Variants in ABCC5 observed in about 807,000 individuals in gnomAD.
ABCC5 encodes ATP binding cassette subfamily C member 5.
A neutral mutation model predicts 160.9 loss-of-function variants in ABCC5; 61 were observed. The observed-to-expected ratio is 0.38, with a 90% CI of 0.31 to 0.47. The LOEUF (loss-of-function observed/expected upper bound fraction) is 0.47. ABCC5 is among the 20% of genes least tolerant of loss of function. ABCC5 has a pLI of 0.99. For synonymous variants in ABCC5, 666 were observed against 700.6 expected (o/e 0.95, Z 0.78); for missense variants, 1,308 against 1,813.3 (o/e 0.72, Z 5.06).
chr3:183,947,274 G>T (rs1016752), intron 23 of ABCC5, 50 bp downstream of exon 23: 1 of 1,509,920 alleles, frequency 6.6e-7, no homozygotes, highest in Non-Finnish European at 8.9e-7. Context: ...TACGTCAGCA[G>T]AGGAAGGGCT....
intron 14 of ABCC5, among the ~76,000 whole-genome samples, chr3:183,964,180 C>T (rs11924260): frequency 0.015 from 2,313 of 152,296 alleles, 39 homozygotes; most frequent in African/African-American, 0.053. Context: ...ACCTCTTTCC[C>T]GCTAGTACCC....
chr3:184,017,878 C>G lies in ABCC5; in HGVS notation c.-104G>C, dbSNP rs918458976. On this transcript the variant is annotated 5_prime_UTR_variant, in exon 1 of 30. Coordinates refer to ENST00000334444, the MANE Select transcript of ABCC5 (RefSeq NM_005688.4). This position sits in a 1 kb window ranked among gnomAD's most constrained non-coding sequence, Gnocchi z 4.5. ...CGCGCCAGCCGCTCAACCACGCTCC[C>G]GAGCATGAGCCCTGCAGCAAAACAA... 2.0e-5 allele frequency: 3 copies of G among 152,560 alleles called. No individual in the cohort carries two copies. The highest frequency in any genetic ancestry group is 4.4e-5 in the Non-Finnish European group (3 of 68,296). The allele number at this position is 152,560 out of a possible 1,614,324, so 9.5% of individuals were successfully genotyped here. A position where few individuals can be genotyped will look rare whatever the true frequency, so the allele number is the denominator to read the frequency against.
At chr3:183,952,035 C>T in intron 18 of ABCC5, 32 bp from the exon 19 acceptor site, 1 of 1,589,934 alleles carries the variant, frequency 6.3e-7, no homozygotes, top group East Asian at 2.3e-5. Context: ...TGAGGCCAGA[C>T]TCCTAACGAC....
intron 8 of ABCC5, among the ~76,000 whole-genome samples, chr3:183,979,693 A>G (rs1341183172): frequency 4.0e-5 from 6 of 151,438 alleles, no homozygotes; most frequent in Non-Finnish European, 8.8e-5. Flanking sequence ...TGATCCTCCC[A>G]TCTTAGCCTC....
At chr3:183,944,203 G>A (rs1455426057) in intron 24 of ABCC5, among the ~76,000 whole-genome samples, 2 of 151,976 alleles carry the variant, frequency 1.3e-5, no homozygotes, top group African/African-American at 4.8e-5. Context: ...GAGACCAGCC[G>A]GGACAACATG....
At chr3:183,924,480 T>C (rs1712329745) in intron 29 of ABCC5, among the ~76,000 whole-genome samples, 1 of 152,200 alleles carries the variant, frequency 6.6e-6, no homozygotes, top group African/African-American at 2.4e-5. Context: ...AAACATTCAG[T>C]AGAAGTAGCT....
chr3:183,985,321 G>C, intron 5 of ABCC5: 1 of 1,614,018 alleles, frequency 6.2e-7, no homozygotes, highest in Non-Finnish European at 8.5e-7. Context: ...CTTGGCGAGA[G>C]ATTCTGCCCA....
At chr3:183,959,246 GA>G (rs1011470723) in intron 17 of ABCC5, among the ~76,000 whole-genome samples, 1 of 152,162 alleles carries the variant, frequency 6.6e-6, no homozygotes, top group Non-Finnish European at 1.5e-5. Context: ...AGCCAAGTAG[GA>G]AAAACCCCTC....
At chr3:183,932,739 G>A (rs1713297680) in intron 26 of ABCC5, among the ~76,000 whole-genome samples, 1 of 152,144 alleles carries the variant, frequency 6.6e-6, no homozygotes, top group South Asian at 2.1e-4. Context: ...AGAGGTGGGA[G>A]AATCTCTTGA....
intron 17 of ABCC5, 33 bp from the exon 18 acceptor site, chr3:183,953,303 A>G: frequency 2.6e-6 from 4 of 1,565,872 alleles, no homozygotes; most frequent in Non-Finnish European, 3.5e-6. Context: ...TGGACTCAGA[A>G]GGGAAGAACT....
chr3:184,003,221 T>G (rs1156925416), intron 2 of ABCC5, among the ~76,000 whole-genome samples: 1 of 152,072 alleles, frequency 6.6e-6, no homozygotes, highest in Non-Finnish European at 1.5e-5. Context: ...GAAATTAAAT[T>G]TAAAAGTGAA....
chr3:183,962,537 T>TC (rs1167214817), intron 15 of ABCC5, among the ~76,000 whole-genome samples: 1 of 151,346 alleles, frequency 6.6e-6, no homozygotes, highest in Non-Finnish European at 1.5e-5. Context: ...TTTTTCTTTT[T>TC]TTTTTTTTTT....
At chr3:184,012,190 T>C (rs1023618875) in intron 2 of ABCC5, among the ~76,000 whole-genome samples, 1 of 152,162 alleles carries the variant, frequency 6.6e-6, no homozygotes, top group African/African-American at 2.4e-5. Flanking sequence ...AGGATCTCTA[T>C]ATTATTTTTT....
chr3:183,961,735 C>T, intron 15 of ABCC5, 81 bp from the exon 16 acceptor site: 1 of 1,534,484 alleles, frequency 6.5e-7, no homozygotes, highest in Non-Finnish European at 8.8e-7. Flanking sequence ...CAGTAGTTCT[C>T]TACAGGAGAC....
chr3:183,950,761 T>C (rs1299305714), intron 20 of ABCC5, among the ~76,000 whole-genome samples: 1 of 152,232 alleles, frequency 6.6e-6, no homozygotes, highest in African/African-American at 2.4e-5. Context: ...TCTGATTTCT[T>C]GTTACCTCTG....
rs904974328 is a variant in ABCC5, at chr3:183,988,381, C to T, written c.443+191G>A. ...GGGGCTGAGAGAGAGAGAGAAAGCC[C>T]GTGGTTAAAACAGGATCAAAGGTGA... On this transcript the variant is annotated intron_variant, in intron 4 of 29. Coordinates refer to ENST00000334444, the MANE Select transcript of ABCC5 (RefSeq NM_005688.4). This position sits in a 1 kb window ranked among gnomAD's most constrained non-coding sequence, Gnocchi z 4.4. Among the ~76,000 whole-genome samples the T allele has an allele frequency of 6.6e-6, 1 of 152,144 alleles. No homozygotes were observed. Among genetic ancestry groups the T allele is most frequent in the Admixed American group, 6.5e-5 (1 of 15,270 alleles).
At chr3:183,993,174 T>C (rs1164403884) in intron 2 of ABCC5, among the ~76,000 whole-genome samples, 1 of 152,134 alleles carries the variant, frequency 6.6e-6, no homozygotes, top group Non-Finnish European at 1.5e-5. Flanking sequence ...AATTCCACTT[T>C]TGCAAATGTC....
rs534102803 is a variant in ABCC5, at chr3:184,017,582, C to A, written c.-56+248G>T. The stretch of plus-strand genomic sequence containing the variant: ...GCCAGGGACGTAGCCCGCGTCCCTG[C>A]CCGCTCATCCCGATCCTACCTGCCT... On this transcript the variant is annotated intron_variant, in intron 1 of 29. Coordinates refer to ENST00000334444, the MANE Select transcript of ABCC5 (RefSeq NM_005688.4). The surrounding 1 kb of genome is among the most constrained non-coding windows in gnomAD (Gnocchi z 4.5). 9.8e-5 allele frequency: 15 copies of A among 152,388 alleles called. No homozygotes were observed. The South Asian group carries it at 2.7e-3, about 27-fold the overall frequency. 9.4% of individuals were successfully genotyped at this position (152,388 alleles called of 1,614,324 possible). A position where few individuals can be genotyped will look rare whatever the true frequency, so the allele number is the denominator to read the frequency against.
chr3:183,939,285 T>C (rs1197786548), intron 25 of ABCC5, among the ~76,000 whole-genome samples: 1 of 152,118 alleles, frequency 6.6e-6, no homozygotes, highest in Non-Finnish European at 1.5e-5. Context: ...ATACAAAAAT[T>C]AGCTGGGCAA....
Sources: gnomAD v4.1 joint callset for allele counts (sites outside exome capture counted in the v4.1 genomes callset) on GRCh38, gnomAD v4.1.1 for gene constraint, Gnocchi (gnomAD v3.1) non-coding constraint, MANE v1.5 for transcripts, NCBI Gene and HGNC (gene_info 2026-07-23, HGNC 2026-07-21) for gene names.